ERICH1: variants seen among roughly 807,000 people sequenced by gnomAD.
ERICH1 encodes the protein glutamate rich 1.
A neutral mutation model predicts 39.6 loss-of-function variants in ERICH1; 56 were observed. The ratio of observed to expected loss-of-function variants is 1.41; its 90% CI spans 1.14 to 1.77. The LOEUF (loss-of-function observed/expected upper bound fraction) is 1.77. Among genes scored for constraint, ERICH1 ranks in the 40% most tolerant of loss-of-function variants. The probability of loss-of-function intolerance (pLI) is 0.00; values close to 1 mark genes in which losing one functional copy is unlikely to be tolerated. For synonymous variants in ERICH1, 313 were observed against 223.6 expected (o/e 1.40, Z -3.57); for missense variants, 826 against 575.4 (o/e 1.44, Z -4.45).
At chr8:662,705 G>A (rs77942954), downstream of ERICH1, among the ~76,000 whole-genome samples, 127 of 152,358 alleles carry the variant, frequency 8.3e-4, no homozygotes, top group East Asian at 0.024. Context: ...GAGGTTTGCA[G>A]GCTGGTGCCT....
At chr8:680,958 C>T (rs958228946) in intron 3 of ERICH1, among the ~76,000 whole-genome samples, 7 of 152,306 alleles carry the variant, frequency 4.6e-5, no homozygotes, top group East Asian at 3.9e-4. Context: ...CTGGTGGTGA[C>T]GGACACATTC....
chr8:686,083 C>A (rs1370730523), intron 3 of ERICH1, among the ~76,000 whole-genome samples: 2 of 152,062 alleles, frequency 1.3e-5, no homozygotes, highest in Admixed American at 6.5e-5. Flanking sequence ...CGGCTTAAAC[C>A]CAGAAGGCAG....
chr8:708,680 A>AGTTTTTTGTTTTTTTTTTTT (rs1554526139), intron 2 of ERICH1, among the ~76,000 whole-genome samples: 3 of 55,134 alleles, frequency 5.4e-5, no homozygotes, highest in Non-Finnish European at 3.4e-5. Context: ...CGGGATAATG[A>AGTTTTTTGTTTTTTTTTTTT]GTTTTTTTTT....
intron 3 of ERICH1, among the ~76,000 whole-genome samples, chr8:629,915 C>T (rs558207017): frequency 0.024 from 3,252 of 137,506 alleles, 21 homozygotes; most frequent in Non-Finnish European, 0.033. Context: ...AGAGCTGACT[C>T]ACACCCTCCC....
chr8:616,392 C>T (rs910029030), intron 3 of ERICH1: 4 of 370,532 alleles, frequency 1.1e-5, no homozygotes, highest in Middle Eastern at 9.3e-4. Flanking sequence ...CAGAGAGAAA[C>T]TCCTGCCACG....
intron 3 of ERICH1, chr8:626,468 A>C (rs1797599050): frequency 6.6e-6 from 1 of 152,520 alleles, no homozygotes; most frequent in Non-Finnish European, 1.5e-5. Context: ...ACATGAACTC[A>C]GCTCTGAGAC....
At chr8:689,734 A>G (rs953833040) in intron 3 of ERICH1, among the ~76,000 whole-genome samples, 3 of 152,214 alleles carry the variant, frequency 2.0e-5, no homozygotes, top group Admixed American at 1.3e-4. Flanking sequence ...GCGTCCCCAC[A>G]GTGGTCAGCT....
At chr8:708,831 TATAGGTGTAC>T (rs1814053435) in intron 2 of ERICH1, among the ~76,000 whole-genome samples, 1 of 151,564 alleles carries the variant, frequency 6.6e-6, no homozygotes, top group South Asian at 2.1e-4. Context: ...GTAGCTGCGA[TATAGGTGTAC>T]ATCATCATAC....
chr8:656,080 G>A (rs550840000), intron 3 of ERICH1, among the ~76,000 whole-genome samples: 2 of 152,202 alleles, frequency 1.3e-5, no homozygotes, highest in South Asian at 2.1e-4. Flanking sequence ...AGACCTGCCC[G>A]CCAGGTCTGA....
chr8:711,973 G>T (rs1814841713), intron 2 of ERICH1, among the ~76,000 whole-genome samples: 1 of 152,138 alleles, frequency 6.6e-6, no homozygotes, highest in African/African-American at 2.4e-5. Flanking sequence ...GTCTATTTCT[G>T]TACTCTCTAT....
At chr8:697,092 G>C (rs1810490439) in intron 2 of ERICH1, among the ~76,000 whole-genome samples, 1 of 152,208 alleles carries the variant, frequency 6.6e-6, no homozygotes, top group Non-Finnish European at 1.5e-5. Context: ...TGCTGCACGT[G>C]CTAGCAGGGC....
chr8:716,144 C>G, intron 1 of ERICH1, 137 bp from the exon 2 acceptor site: 5 of 1,081,646 alleles, frequency 4.6e-6, no homozygotes, highest in Non-Finnish European at 6.3e-6. Flanking sequence ...CCTGGTCCTC[C>G]CACGCTGGGC....
chr8:622,983 T>TAAAA (rs1797380005), intron 3 of ERICH1, among the ~76,000 whole-genome samples: 1 of 151,160 alleles, frequency 6.6e-6, no homozygotes, highest in South Asian at 2.1e-4. Context: ...AATAAATAAA[T>TAAAA]AAAACATCAA....
chr8:655,894 G>A (rs975153696), intron 3 of ERICH1, among the ~76,000 whole-genome samples: 3 of 152,056 alleles, frequency 2.0e-5, no homozygotes, highest in Admixed American at 1.3e-4. Flanking sequence ...ACACACGCAG[G>A]TGCAGAGACC....
chr8:668,595 T>A lies in ERICH1; in HGVS notation c.1258+3A>T. The A allele has an allele frequency of 6.2e-7, 1 of 1,614,208 alleles. No individual in the cohort carries two copies. The highest frequency in any genetic ancestry group is 8.5e-7 in the Non-Finnish European group (1 of 1,180,032). On this transcript the variant is annotated splice_donor_region_variant and intron_variant, in intron 5 of 5. Transcript: ENST00000262109. Reference sequence around the variant, plus strand: ...GACCTTGAATAAATCGTACGGTACTTACCAGGAGGCATCGTGCAATGTTCT... The same window carrying A: ...GACCTTGAATAAATCGTACGGTACTAACCAGGAGGCATCGTGCAATGTTCT...
rs188200810 is a variant in ERICH1, at chr8:651,831, C to T, written c.976+16767G>A. 4.6e-5 allele frequency among the ~76,000 whole-genome samples: 7 copies of T among 152,170 alleles called. No homozygotes were observed. In the East Asian group the frequency reaches 5.8e-4, roughly 13 times the overall value. On this transcript the variant is annotated intron_variant, in intron 3 of 3. Transcript: ENST00000522706. Reference sequence around the variant, plus strand: ...ATCATTGTCAACTCTACTCGGAAATCGGTGAGGAAAGGGACTGACTTCAGC... The same window carrying T: ...ATCATTGTCAACTCTACTCGGAAATTGGTGAGGAAAGGGACTGACTTCAGC...
intron 3 of ERICH1, among the ~76,000 whole-genome samples, chr8:678,305 C>T (rs1269059850): frequency 1.3e-5 from 2 of 152,100 alleles, no homozygotes; most frequent in East Asian, 3.9e-4. Flanking sequence ...ATCGGGAACA[C>T]GGAAGTGCCG....
downstream of ERICH1, among the ~76,000 whole-genome samples, chr8:662,743 G>C (rs1407654600): frequency 2.6e-5 from 4 of 152,142 alleles, no homozygotes; most frequent in African/African-American, 9.6e-5. Context: ...ACAAGGCCAT[G>C]GAGGTTCTCG....
intron 2 of ERICH1, among the ~76,000 whole-genome samples, chr8:699,344 G>A (rs1040660814): frequency 6.6e-6 from 1 of 152,172 alleles, no homozygotes; most frequent in African/African-American, 2.4e-5. Flanking sequence ...ACCCCCGATT[G>A]CTGTCCCAGC....
Sources: gnomAD v4.1 joint callset for allele counts (sites outside exome capture counted in the v4.1 genomes callset) on GRCh38, gnomAD v4.1.1 for gene constraint, MANE v1.5 for transcripts, NCBI Gene and HGNC (gene_info 2026-07-23, HGNC 2026-07-21) for gene names.